The following CDKAL1 variants were observed in gnomAD, a reference collection of about 807,000 sequenced individuals.
The protein encoded by CDKAL1 is CDKAL1 threonylcarbamoyladenosine tRNA methylthiotransferase.
A neutral mutation model predicts 68.2 loss-of-function variants in CDKAL1; 32 were observed. That is an observed-to-expected ratio of 0.47 (90% CI 0.35 to 0.63). The LOEUF (loss-of-function observed/expected upper bound fraction) is 0.63, where lower values mean the gene tolerates loss of function less well. Among genes scored for constraint, CDKAL1 ranks in the 30% least tolerant of loss-of-function variants. The pLI is 0.00. For synonymous variants in CDKAL1, 234 were observed against 244.3 expected, an observed-to-expected ratio of 0.96 and a Z score of 0.39; for missense variants, 606 against 696.7, an observed-to-expected ratio of 0.87 and a Z score of 1.47.
chr6:20,710,890 A>C (rs981150390), intron 5 of CDKAL1, among the ~76,000 whole-genome samples: 2 of 152,154 alleles, frequency 1.3e-5, no homozygotes, highest in East Asian at 3.9e-4. Flanking sequence ...TTGGAATCCA[A>C]ATTTCTGGTT....
At chr6:20,622,831 C>A (rs1005999405) in intron 4 of CDKAL1, among the ~76,000 whole-genome samples, 1 of 151,934 alleles carries the variant, frequency 6.6e-6, no homozygotes, top group African/African-American at 2.4e-5. Flanking sequence ...GTTGTAATAT[C>A]TAGTTGCTAT....
intron 5 of CDKAL1, among the ~76,000 whole-genome samples, chr6:20,730,130 G>A (rs989858862): frequency 2.0e-5 from 3 of 151,958 alleles, no homozygotes; most frequent in Non-Finnish European, 4.4e-5. Context: ...GACCAGGCTG[G>A]GCAAAACCCT....
chr6:20,803,411 A>G (rs1776445332), intron 8 of CDKAL1, among the ~76,000 whole-genome samples: 3 of 152,176 alleles, frequency 2.0e-5, no homozygotes, highest in African/African-American at 7.2e-5. Context: ...AACTTTGTCA[A>G]ATATCGCCTT....
intron 5 of CDKAL1, among the ~76,000 whole-genome samples, chr6:20,697,504 C>G (rs1399301615): frequency 6.6e-6 from 1 of 152,108 alleles, no homozygotes; most frequent in African/African-American, 2.4e-5. Context: ...AGAAAAAAAT[C>G]ATTGGTGGAC....
intron 15 of CDKAL1, among the ~76,000 whole-genome samples, chr6:21,219,544 T>C (rs1469371182): frequency 6.6e-6 from 1 of 152,234 alleles, no homozygotes; most frequent in Non-Finnish European, 1.5e-5. Flanking sequence ...TGCAAAACTA[T>C]CATGGTGATA....
At chr6:20,667,736 A>G (rs77706509) in intron 5 of CDKAL1, among the ~76,000 whole-genome samples, 2,287 of 152,154 alleles carry the variant, frequency 0.015, 46 homozygotes, top group African/African-American at 0.052. Flanking sequence ...TAGAGGAACA[A>G]TTTCTTTCCT....
At chr6:20,833,570 C>T (rs776218403) in intron 8 of CDKAL1, among the ~76,000 whole-genome samples, 23 of 151,880 alleles carry the variant, frequency 1.5e-4, no homozygotes, top group Non-Finnish European at 3.2e-4. Flanking sequence ...AAGTAACTCA[C>T]CTATGTCTAT....
intron 5 of CDKAL1, among the ~76,000 whole-genome samples, chr6:20,712,427 G>C (rs1771888477): frequency 6.6e-6 from 1 of 151,294 alleles, no homozygotes; most frequent in Non-Finnish European, 1.5e-5. Flanking sequence ...AGCCATGATG[G>C]TGTTTCAGGA....
chr6:20,844,409 A>C (rs1290838867), intron 8 of CDKAL1, among the ~76,000 whole-genome samples: 1 of 152,130 alleles, frequency 6.6e-6, no homozygotes, highest in Non-Finnish European at 1.5e-5. Flanking sequence ...AAGAACTTGG[A>C]GTTTGAAATC....
chr6:20,905,824 C>G (rs371290766), intron 9 of CDKAL1, among the ~76,000 whole-genome samples: 36 of 152,082 alleles, frequency 2.4e-4, no homozygotes, highest in Non-Finnish European at 4.9e-4. Context: ...AAAACAAACC[C>G]AGACAGCCAA....
chr6:20,892,343 A>T (rs1179577891), intron 9 of CDKAL1, among the ~76,000 whole-genome samples: 1 of 152,216 alleles, frequency 6.6e-6, no homozygotes, highest in Admixed American at 6.5e-5. Context: ...TATTCAAACA[A>T]ACTATTTAAA....
At chr6:21,143,990 G>A (rs1393611821) in intron 13 of CDKAL1, among the ~76,000 whole-genome samples, 1 of 118,414 alleles carries the variant, frequency 8.4e-6, no homozygotes, top group African/African-American at 3.5e-5. Flanking sequence ...AGAGAGAGTT[G>A]GATGGTAAAA....
chr6:20,720,383 A>C (rs1295480791), intron 5 of CDKAL1, among the ~76,000 whole-genome samples: 1 of 152,026 alleles, frequency 6.6e-6, no homozygotes, highest in Non-Finnish European at 1.5e-5. Flanking sequence ...CACGTACAGC[A>C]CATGTTTGTT....
At chr6:20,551,621 C>T (rs560556280) in intron 4 of CDKAL1, among the ~76,000 whole-genome samples, 11 of 151,878 alleles carry the variant, frequency 7.2e-5, no homozygotes, top group Admixed American at 2.0e-4. Context: ...CCACCCGCCT[C>T]GGCCTCCCCA....
At chr6:21,029,555 T>C (rs918144074) in intron 11 of CDKAL1, among the ~76,000 whole-genome samples, 4 of 152,024 alleles carry the variant, frequency 2.6e-5, no homozygotes, top group Non-Finnish European at 5.9e-5. Flanking sequence ...ACCTGCAGAA[T>C]GGGAGAAAAT....
rs1772675389 is a variant in CDKAL1 at position 21,086,070 on chromosome 6, G to A, written c.1236+20842G>A. Among the ~76,000 whole-genome samples the A allele has an allele frequency of 2.0e-5, 3 of 152,270 alleles. No individual in the cohort carries two copies. The South Asian group carries it at 6.2e-4, about 32-fold the overall frequency. ...GACCTTGTGTAGTGCTTGCCGCCTT[G>A]CACTGTTTTGGTGTTTTATATATGT... On this transcript the variant is annotated intron_variant, in intron 12 of 15. Coordinates refer to ENST00000274695, the MANE Select transcript of CDKAL1 (RefSeq NM_017774.3).
intron 4 of CDKAL1, among the ~76,000 whole-genome samples, chr6:20,574,759 T>C (rs1764845028): frequency 6.6e-6 from 1 of 152,140 alleles, no homozygotes; most frequent in African/African-American, 2.4e-5. Flanking sequence ...AGTTAGATTG[T>C]CATGAAATAG....
intron 5 of CDKAL1, among the ~76,000 whole-genome samples, chr6:20,690,236 C>T (rs911228447): frequency 2.6e-5 from 4 of 152,068 alleles, no homozygotes; most frequent in Admixed American, 1.3e-4. Flanking sequence ...TATGGATATA[C>T]TATAAGTTGT....
intron 12 of CDKAL1, among the ~76,000 whole-genome samples, chr6:21,089,720 C>T (rs1437161118): frequency 6.6e-6 from 1 of 152,190 alleles, no homozygotes; most frequent in East Asian, 1.9e-4. Flanking sequence ...CACCTTACAG[C>T]TTGAAGCGTC....
Sources: allele counts gnomAD v4.1 joint callset (sites outside exome capture counted in the v4.1 genomes callset), GRCh38; gene constraint gnomAD v4.1.1; transcripts MANE v1.5; gene names NCBI Gene and HGNC (gene_info 2026-07-23, HGNC 2026-07-21).